Variants in DLGAP2 observed in about 807,000 individuals in gnomAD.
DLGAP2 encodes disks large-associated protein 2.
Under a neutral mutation model 100.3 loss-of-function variants are expected in DLGAP2, and 26 were observed. The observed-to-expected ratio is 0.26, with a 90% CI of 0.19 to 0.36. The LOEUF is 0.36. DLGAP2 is among the 10% of genes least tolerant of loss of function. The pLI is 1.00. For synonymous variants in DLGAP2, 886 were observed against 630.1 expected (o/e 1.41, Z -6.08); for missense variants, 1,858 against 1,453.2 (o/e 1.28, Z -4.53).
chr8:1,357,921 T>C (rs1217688428), intron 3 of DLGAP2, among the ~76,000 whole-genome samples: 1 of 152,178 alleles, frequency 6.6e-6, no homozygotes, highest in African/African-American at 2.4e-5. Context: ...CTCCCCACAC[T>C]GTGAGCACCT....
At chr8:1,098,007 C>A (rs1019361150) in intron 2 of DLGAP2, among the ~76,000 whole-genome samples, 4 of 152,286 alleles carry the variant, frequency 2.6e-5, no homozygotes, top group African/African-American at 9.6e-5. Context: ...GCCGCATGGC[C>A]TTCGACATTT....
At chr8:1,287,789 A>G (rs1317176742) in intron 3 of DLGAP2, among the ~76,000 whole-genome samples, 2,979 of 35,486 alleles carry the variant, frequency 0.084, 234 homozygotes, top group African/African-American at 0.18. Context: ...GTCTGTGTGT[A>G]TGTGTGTGTG....
At chr8:1,418,312 T>C (rs1049509169) in intron 3 of DLGAP2, among the ~76,000 whole-genome samples, 1 of 152,232 alleles carries the variant, frequency 6.6e-6, no homozygotes, top group Admixed American at 6.5e-5. Context: ...AGCTTCACTT[T>C]AGATGGCCTC....
intron 1 of DLGAP2, among the ~76,000 whole-genome samples, chr8:742,633 C>T (rs1388048314): frequency 6.6e-6 from 1 of 151,794 alleles, no homozygotes; most frequent in Non-Finnish European, 1.5e-5. Flanking sequence ...CTCAGCCTGT[C>T]TAGTAGTTGG....
chr8:1,134,789 G>C (rs918353753), intron 2 of DLGAP2, among the ~76,000 whole-genome samples: 1 of 152,144 alleles, frequency 6.6e-6, no homozygotes, highest in East Asian at 1.9e-4. Flanking sequence ...GGGAGAGCAT[G>C]TGAGAGCACA....
intron 2 of DLGAP2, among the ~76,000 whole-genome samples, chr8:1,101,174 A>G (rs936135440): frequency 6.6e-6 from 1 of 152,200 alleles, no homozygotes; most frequent in Non-Finnish European, 1.5e-5. Flanking sequence ...GTGACATAAA[A>G]TCTGTCTCTG....
chr8:749,965 G>C (rs1329512684), intron 1 of DLGAP2, among the ~76,000 whole-genome samples: 1 of 152,120 alleles, frequency 6.6e-6, no homozygotes, highest in Admixed American at 6.5e-5. Flanking sequence ...CTTCTCCTGG[G>C]GTCTCCCCTT....
chr8:1,419,880 C>T (rs1367435436), intron 3 of DLGAP2, among the ~76,000 whole-genome samples: 1 of 152,172 alleles, frequency 6.6e-6, no homozygotes, highest in Non-Finnish European at 1.5e-5. Flanking sequence ...GGTATCAGAG[C>T]TGCACCATTC....
At chr8:766,038 G>T (rs112905327) in intron 1 of DLGAP2, among the ~76,000 whole-genome samples, 1 of 152,140 alleles carries the variant, frequency 6.6e-6, no homozygotes, top group African/African-American at 2.4e-5. Flanking sequence ...GTGGTGGCAT[G>T]TACCTGTAAT....
chr8:883,324 A>T (rs1318018887), intron 1 of DLGAP2: 1 of 152,152 alleles, frequency 6.6e-6, no homozygotes, highest in African/African-American at 2.4e-5. Flanking sequence ...TGTATGGCGG[A>T]TAGAAGGATT....
chr8:1,237,057 C>A (rs1401583905), intron 2 of DLGAP2, among the ~76,000 whole-genome samples: 1 of 136,820 alleles, frequency 7.3e-6, no homozygotes, highest in Admixed American at 7.6e-5. Context: ...CACATGGCAC[C>A]ATGTCTAGTT....
intron 3 of DLGAP2, among the ~76,000 whole-genome samples, chr8:1,310,746 C>T (rs900361462): frequency 2.6e-5 from 4 of 152,098 alleles, no homozygotes; most frequent in Admixed American, 2.0e-4. Context: ...CAACCTCTAC[C>T]TTCTGGGTTC....
At chr8:821,696 A>T (rs1170016452) in intron 1 of DLGAP2, among the ~76,000 whole-genome samples, 2 of 152,224 alleles carry the variant, frequency 1.3e-5, no homozygotes, top group African/African-American at 4.8e-5. Flanking sequence ...CTAATTTCAC[A>T]GATAGCTATT....
chr8:859,918 C>G (rs776490426), intron 1 of DLGAP2, among the ~76,000 whole-genome samples: 43 of 152,042 alleles, frequency 2.8e-4, no homozygotes, highest in Non-Finnish European at 5.1e-4. Context: ...GTGGGCTTCC[C>G]GTAACATTTC....
chr8:940,680 T>A (rs1799175560), intron 2 of DLGAP2, among the ~76,000 whole-genome samples: 1 of 152,206 alleles, frequency 6.6e-6, no homozygotes, highest in African/African-American at 2.4e-5. Flanking sequence ...AGTTCATTGA[T>A]GCTCTCCCTC....
intron 1 of DLGAP2, among the ~76,000 whole-genome samples, chr8:759,308 A>AATACCCGCAACAGCCTCCCTG (rs1821015395): frequency 7.3e-6 from 1 of 136,430 alleles, no homozygotes; most frequent in African/African-American, 2.9e-5. Flanking sequence ...CAGCCTCCCC[A>AATACCCGCAACAGCCTCCCTG]TTATCAATAC....
intron 2 of DLGAP2, among the ~76,000 whole-genome samples, chr8:1,086,387 T>C (rs978986598): frequency 2.6e-5 from 4 of 152,220 alleles, no homozygotes; most frequent in Non-Finnish European, 5.9e-5. Context: ...AGTATGATGT[T>C]TGTTGTGGGT....
intron 3 of DLGAP2, among the ~76,000 whole-genome samples, chr8:1,271,248 C>T (rs1443278331): frequency 1.3e-5 from 2 of 152,188 alleles, no homozygotes; most frequent in East Asian, 3.9e-4. Flanking sequence ...GCTTTCTCCA[C>T]CCAGCACTGA....
At chr8:763,231 G>A (rs774839052) in intron 1 of DLGAP2, among the ~76,000 whole-genome samples, 16 of 152,182 alleles carry the variant, frequency 1.1e-4, no homozygotes, top group Non-Finnish European at 8.8e-5. Flanking sequence ...TGAGGACTGG[G>A]GTTAACCCGC....
Sources: allele counts gnomAD v4.1 joint callset (sites outside exome capture counted in the v4.1 genomes callset), GRCh38; gene constraint gnomAD v4.1.1; transcripts MANE v1.5; gene names NCBI Gene and HGNC (gene_info 2026-07-23, HGNC 2026-07-21).